The following SHANK1 variants were observed in gnomAD, a reference collection of about 807,000 sequenced individuals.
SHANK1 encodes the protein SH3 and multiple ankyrin repeat domains 1, also known as SH3 and multiple ankyrin repeat domains protein 1.
A neutral mutation model predicts 165.6 loss-of-function variants in SHANK1; 35 were observed. That is an observed-to-expected ratio of 0.21 (90% CI 0.16 to 0.28). SHANK1 has a LOEUF of 0.28. SHANK1 is among the 10% of genes least tolerant of loss of function. SHANK1 has a pLI of 1.00. For missense variants in SHANK1, 2,681 were observed against 3,036.4 expected (o/e 0.88, Z 2.75); for synonymous variants, 1,428 against 1,384.8 (o/e 1.03, Z -0.69).
chr19:50,711,076 T>A (rs989693461), intron 8 of SHANK1: 4 of 372,264 alleles, frequency 1.1e-5, no homozygotes, highest in African/African-American at 2.1e-5. Context: ...CACTCTGGAC[T>A]GTAGCAGCAA....
chr19:50,687,244 G>C (rs561098726), intron 19 of SHANK1, among the ~76,000 whole-genome samples: 2 of 152,014 alleles, frequency 1.3e-5, no homozygotes, highest in Admixed American at 1.3e-4. Context: ...TCTGTTATTG[G>C]GGGTTGGGGG....
Position 50,713,978 on chromosome 19 carries a change from A to C in SHANK1, c.641-29T>G. On this transcript the variant is annotated intron_variant, in intron 5 of 23. Coordinates refer to ENST00000293441, the MANE Select transcript of SHANK1 (RefSeq NM_016148.5). The surrounding 1 kb of genome is among the most constrained non-coding windows in gnomAD (Gnocchi z 6.2). Reference sequence around the variant, plus strand: ...AAGGGCGGGAAAAGCTGGTCACATGAAGCCCCTTCTCCTCCCCTCCATCCC... The same window carrying C: ...AAGGGCGGGAAAAGCTGGTCACATGCAGCCCCTTCTCCTCCCCTCCATCCC... 6.2e-7 allele frequency: 1 copy of C among 1,612,294 alleles called. No individual in the cohort carries two copies. The highest frequency in any genetic ancestry group is 8.5e-7 in the Non-Finnish European group (1 of 1,178,986).
In SHANK1 at chr19:50,688,925, CG is replaced by C. The variant is rs1986448637; in HGVS notation, c.2090del (p.Pro697ArgfsTer29). ...IEEFTPTPAF[P>X]ALQYLESVDE... ...CCACCGACTCCAGGTACTGCAGCGC[CG>C]GGAAGGCCGGGGTGGGGGTGAACTC... On this transcript the variant is annotated frameshift_variant, in exon 17 of 24. Coordinates refer to ENST00000293441, the MANE Select transcript of SHANK1 (RefSeq NM_016148.5). LOFTEE classifies it high-confidence loss of function. This position sits in a 1 kb window ranked among gnomAD's most constrained non-coding sequence, Gnocchi z 6.7. 1 of 1,559,120 alleles carries C rather than the reference CG, an allele frequency of 6.4e-7. No individual in the cohort carries two copies. The highest frequency in any genetic ancestry group is 8.7e-7 in the Non-Finnish European group (1 of 1,151,664).
intron 21 of SHANK1, among the ~76,000 whole-genome samples, chr19:50,681,906 G>A (rs1392965985): frequency 6.6e-6 from 1 of 152,054 alleles, no homozygotes; most frequent in Non-Finnish European, 1.5e-5. Flanking sequence ...ACCATGACTG[G>A]CTAATTTTTA....
Position 50,668,156 on chromosome 19 carries a change from C to T in SHANK1, c.3804G>A (p.Gly1268=). ...LSTDAGDEDG[G]DGGLGTGAAP... ...CCGCCCCTGTGCCCAGCCCGCCGTC[C>T]CCGCCGTCCTCGTCCCCCGCGTCGG... The change falls in exon 23 of 24, where the codon GGG becomes GGA. Residue 1268 remains glycine, a synonymous_variant. Coordinates refer to ENST00000293441, the MANE Select transcript of SHANK1 (RefSeq NM_016148.5). 6.8e-7 allele frequency: 1 copy of T among 1,460,654 alleles called. No homozygotes were observed. The highest frequency in any genetic ancestry group is 9.0e-7 in the Non-Finnish European group (1 of 1,114,556). 90.5% of individuals were successfully genotyped at this position (1,460,654 alleles called of 1,614,324 possible).
chr19:50,666,614 G>C lies in SHANK1; in HGVS notation c.5346C>G (p.Pro1782=), dbSNP rs1003903847. The change falls in exon 23 of 24, where the codon CCC becomes CCG. Residue 1782 remains proline, a synonymous_variant. Transcript: ENST00000293441. ...PSGGLRDPVT[P]TSPTVSVTGA... is the part of the protein sequence containing the mutation. ...CTGTCACCGAGACGGTGGGGCTGGT[G>C]GGGGTAACAGGGTCTCGGAGTCCCC... The C allele has an allele frequency of 1.3e-6, 2 of 1,599,776 alleles. No homozygotes were observed. The highest frequency in any genetic ancestry group is 1.7e-6 in the Non-Finnish European group (2 of 1,175,582).
chr19:50,704,079 G>A (rs763488131), intron 10 of SHANK1, 41 bp downstream of exon 10: 14 of 1,593,690 alleles, frequency 8.8e-6, no homozygotes, highest in Middle Eastern at 1.7e-4. Flanking sequence ...AACCTCAACC[G>A]CCCCAGGTTC....
At chr19:50,709,642 C>T (rs944674267) in intron 8 of SHANK1, among the ~76,000 whole-genome samples, 1 of 152,112 alleles carries the variant, frequency 6.6e-6, no homozygotes, top group African/African-American at 2.4e-5. Context: ...CTCCACCTCC[C>T]AGGCTCAAGC....
chr19:50,670,806 T>C lies in SHANK1; in HGVS notation c.2674+1212A>G, dbSNP rs941648949. On this transcript the variant is annotated intron_variant, in intron 22 of 23. Transcript: ENST00000293441. This position sits in a 1 kb window ranked among gnomAD's most constrained non-coding sequence, Gnocchi z 4.1. ...CTAGGTGTTTTTTTTTCTTTTCTTT[T>C]TTTTTGAGACAGAGTCTCGCTCTGT... 1.3e-5 allele frequency among the ~76,000 whole-genome samples: 2 copies of C among 152,102 alleles called. No individual in the cohort carries two copies. The highest frequency in any genetic ancestry group is 2.9e-5 in the Non-Finnish European group (2 of 68,018).
intron 15 of SHANK1, among the ~76,000 whole-genome samples, chr19:50,692,289 A>G (rs958831655): frequency 6.6e-6 from 1 of 151,820 alleles, no homozygotes; most frequent in Non-Finnish European, 1.5e-5. Flanking sequence ...AGCACTTTGC[A>G]TTTATATATT....
chr19:50,679,208 G>A, intron 21 of SHANK1, among the ~76,000 whole-genome samples: 1 of 124,694 alleles, frequency 8.0e-6, no homozygotes, highest in East Asian at 2.2e-4. Flanking sequence ...GAGGGGTCAG[G>A]GTTACAGGCA....
Position 50,703,004 on chromosome 19 carries a change from C to T in SHANK1, c.1554-344G>A, listed in dbSNP as rs371920775. Reference sequence around the variant, plus strand: ...GCTTCCTCCTGGGTCAGGTCCAACTCCTCTGCCCGCCGTTGCCAGCCTCTC... The same window carrying T: ...GCTTCCTCCTGGGTCAGGTCCAACTTCTCTGCCCGCCGTTGCCAGCCTCTC... On this transcript the variant is annotated intron_variant, in intron 11 of 23. Transcript: ENST00000293441. 1.8e-4 allele frequency among the ~76,000 whole-genome samples: 27 copies of T among 152,296 alleles called. No individual in the cohort carries two copies. The South Asian group carries it at 5.6e-3, about 32-fold the overall frequency.
At position 50,661,968 on chromosome 19, in the gene SHANK1, C is replaced by G. The variant is rs775708037; in HGVS notation, c.6483G>C (p.Arg2161Ser). Residue 2161 changes from arginine (R) to serine (S), a missense_variant, in exon 24 of 24, where the codon AGG (arginine) becomes AGC (serine). By Grantham distance (110) the Arg-to-Ser change is moderately radical. This residue lies in a region of SHANK1 where 49 missense variants were observed against 94.2 expected (regional missense o/e 0.52). Transcript: ENST00000293441. ...GCTGGTCCGTCCAGGCCAGCCATCA[C>G]CTCTCCAGGAAGAATTTGAGAGCCC... ...IDRALKFFLE[R>S] The G allele has an allele frequency of 6.2e-7, 1 of 1,613,948 alleles. No homozygotes were observed. The highest frequency in any genetic ancestry group is 1.1e-5 in the South Asian group (1 of 91,082).
chr19:50,703,156 G>A (rs2088889819), intron 11 of SHANK1, among the ~76,000 whole-genome samples: 1 of 144,092 alleles, frequency 6.9e-6, no homozygotes, highest in African/African-American at 2.6e-5. Flanking sequence ...TGACCTCTCT[G>A]TCCCCCTCAA....
intron 12 of SHANK1, among the ~76,000 whole-genome samples, chr19:50,699,302 A>G (rs1986832275): frequency 6.6e-6 from 1 of 152,232 alleles, no homozygotes; most frequent in Non-Finnish European, 1.5e-5. Context: ...ACTGTTGAAT[A>G]TAATCAATGT....
At chr19:50,714,155 G>A in intron 5 of SHANK1, 27 bp downstream of exon 5, 1 of 1,602,026 alleles carries the variant, frequency 6.2e-7, no homozygotes, top group Non-Finnish European at 8.6e-7. Flanking sequence ...TGGCCCTGAG[G>A]TCCTCCTGAT....
Position 50,702,757 on chromosome 19 carries a change from CA to C in SHANK1, c.1554-98del, listed in dbSNP as rs146420379. On this transcript the variant is annotated intron_variant, in intron 11 of 23. Transcript: ENST00000293441. The surrounding 1 kb of genome is among the most constrained non-coding windows in gnomAD (Gnocchi z 5.3). ...TGGGTGGGGGAAGAGGACGGTGCATCAGGGGGGAGGGGGGGTTTCCCAGCAC... is the reference window on the plus strand; with the variant it reads ...TGGGTGGGGGAAGAGGACGGTGCATCGGGGGGAGGGGGGGTTTCCCAGCAC... 7.1e-3 allele frequency: 5,302 copies of C among 744,970 alleles called. 199 individuals carry two copies. The African/African-American group carries it at 0.074, about 10-fold the overall frequency. The allele number at this position is 744,970 out of a possible 1,614,324, so 46.1% of individuals were successfully genotyped here.
chr19:50,659,984 A>T lies in SHANK1; in HGVS notation c.*1981T>A, dbSNP rs897218370. On this transcript the variant is annotated 3_prime_UTR_variant, in exon 24 of 24. Coordinates refer to ENST00000293441, the MANE Select transcript of SHANK1 (RefSeq NM_016148.5). ...CCACGAGGTTCCCCGCAGATCCCTG[A>T]CATGGTGAGGGGAGGGGGCTTGCAG... Among the ~76,000 whole-genome samples the T allele has an allele frequency of 6.6e-6, 1 of 150,592 alleles. No individual in the cohort carries two copies. The highest frequency in any genetic ancestry group is 1.5e-5 in the Non-Finnish European group (1 of 67,492).
intron 12 of SHANK1, among the ~76,000 whole-genome samples, chr19:50,699,666 C>T (rs548664389): frequency 6.6e-6 from 1 of 151,226 alleles, no homozygotes; most frequent in South Asian, 2.1e-4. Flanking sequence ...TTGGAGGGCT[C>T]AGGGCATTGG....
Sources: gnomAD v4.1 joint callset for allele counts (sites outside exome capture counted in the v4.1 genomes callset) on GRCh38, gnomAD v4.1.1 for gene constraint, gnomAD v4.1.1 regional missense constraint, Gnocchi (gnomAD v3.1) non-coding constraint, MANE v1.5 for transcripts, NCBI Gene and HGNC (gene_info 2026-07-23, HGNC 2026-07-21) for gene names.